The following SEC23A variants were observed in gnomAD, a reference collection of about 807,000 sequenced individuals.
SEC23A encodes protein transport protein Sec23A.
A neutral mutation model predicts 103.7 loss-of-function variants in SEC23A; 56 were observed. The ratio of observed to expected loss-of-function variants is 0.54; its 90% confidence interval spans 0.44 to 0.67. The LOEUF (loss-of-function observed/expected upper bound fraction) is 0.67. Among genes scored for constraint, SEC23A ranks in the 30% least tolerant of loss-of-function variants. SEC23A has a pLI of 0.00. For synonymous variants in SEC23A, 281 were observed against 293.0 expected (o/e 0.96, Z 0.42); for missense variants, 784 against 936.4 (o/e 0.84, Z 2.12).
intron 18 of SEC23A, chr14:39,040,169 C>A (rs2139184205): frequency 6.6e-6 from 1 of 152,280 alleles, no homozygotes; most frequent in African/African-American, 2.4e-5. Context: ...GTTAAGGAAC[C>A]TAACTTAGCC....
At chr14:39,091,789 T>C (rs1357658858) in intron 4 of SEC23A, 76 bp from the exon 5 acceptor site, 1 of 956,332 alleles carries the variant, frequency 1.0e-6, no homozygotes, top group East Asian at 2.4e-5. Context: ...AGGGAACTAA[T>C]TAAATAACGA....
At position 39,076,069 on chromosome 14, in the gene SEC23A, G is replaced by A. The variant is rs781623346; in HGVS notation, c.853C>T (p.Arg285Cys). 1.1e-5 allele frequency: 18 copies of A among 1,612,522 alleles called. No individual in the cohort carries two copies. Among genetic ancestry groups the A allele is most frequent in the African/African-American group, 2.7e-5 (2 of 74,634 alleles). ...GGACCACCAATGAACATCATGATAC[G>A]AGCACCAGTGTTGGGAAAAGTACAC... ...LECTFPNTGARIMMFIGGPAT... is the reference protein window; with the variant it reads ...LECTFPNTGACIMMFIGGPAT... The change falls in exon 8 of 20, where the codon CGT becomes TGT. Residue 285 changes from arginine to cysteine, a missense_variant. By Grantham distance (180) the Arg-to-Cys change is radical (BLOSUM62 -3). Around this residue, in one of 2 missense-constraint regions of SEC23A, gnomAD observed 683 missense variants for 774.2 expected, o/e 0.88. Transcript: ENST00000307712.
chr14:39,055,321 A>C, intron 13 of SEC23A, 25 bp from the exon 14 acceptor site: 1 of 1,609,234 alleles, frequency 6.2e-7, no homozygotes, highest in South Asian at 1.1e-5. Flanking sequence ...AAAGCATAGA[A>C]ATGCTTCTGA....
intron 7 of SEC23A, among the ~76,000 whole-genome samples, chr14:39,077,227 CAAAAAAAAAAAAAAAAAA>C (rs57549556): frequency 2.7e-5 from 1 of 36,472 alleles, no homozygotes; most frequent in African/African-American, 1.3e-4. Context: ...GACTCCATCT[CAAAAAAAAAAAAAAAAAA>C]AAAAAAAAAA....
chr14:39,100,265 T>G (rs190936738), intron 1 of SEC23A, among the ~76,000 whole-genome samples: 2 of 152,280 alleles, frequency 1.3e-5, no homozygotes, highest in South Asian at 4.1e-4. Context: ...ATTACATGGC[T>G]ATGCACAACA....
At chr14:39,072,606 C>T (rs1446335362) in intron 9 of SEC23A, among the ~76,000 whole-genome samples, 1 of 151,798 alleles carries the variant, frequency 6.6e-6, no homozygotes, top group Non-Finnish European at 1.5e-5. Flanking sequence ...CCCAGGAGTT[C>T]GAGACCAGCC....
At chr14:39,099,372 A>G (rs933573324) in intron 1 of SEC23A, among the ~76,000 whole-genome samples, 1 of 151,776 alleles carries the variant, frequency 6.6e-6, no homozygotes, top group Non-Finnish European at 1.5e-5. Flanking sequence ...GTTGGCCAGG[A>G]TGATCTCAAT....
intron 7 of SEC23A, 116 bp downstream of exon 7, chr14:39,085,645 AG>A: frequency 1.6e-6 from 2 of 1,233,156 alleles, no homozygotes. Context: ...GAGAATAGGG[AG>A]GAAAAAAAGC....
chr14:39,033,928 G>T (rs1043603564), intron 19 of SEC23A, among the ~76,000 whole-genome samples: 14 of 152,216 alleles, frequency 9.2e-5, no homozygotes, highest in African/African-American at 3.4e-4. Flanking sequence ...TTTTTAATCT[G>T]AATTTTACAT....
intron 5 of SEC23A, chr14:39,091,000 C>A (rs1887643446): frequency 5.4e-6 from 2 of 370,106 alleles, no homozygotes; most frequent in Non-Finnish European, 1.0e-5. Flanking sequence ...AGGTCCTGCC[C>A]CCACCACCAC....
At chr14:39,051,270 G>A (rs2139205033) in intron 14 of SEC23A, among the ~76,000 whole-genome samples, 1 of 152,268 alleles carries the variant, frequency 6.6e-6, no homozygotes, top group South Asian at 2.1e-4. Flanking sequence ...AATTGGTGCT[G>A]GCACCATGTC....
At position 39,095,038 on chromosome 14, in the gene SEC23A, C is replaced by T. The variant is rs547712581; in HGVS notation, c.221+860G>A. The T allele has an allele frequency of 1.2e-3, 815 of 695,770 alleles. 3 individuals are homozygous for T. Among genetic ancestry groups the T allele is most frequent in the South Asian group, 5.1e-3 (336 of 66,262 alleles). 43.1% of individuals were successfully genotyped at this position (695,770 alleles called of 1,614,324 possible). ...GACTGCTGAAAGACAAGAATAGAAA[C>T]AGGGAGAGCAGGTAGGAGGATATTG... On this transcript the variant is annotated intron_variant, in intron 2 of 19. Transcript: ENST00000307712.
At chr14:39,049,796 A>ATTT (rs111327005) in intron 14 of SEC23A, among the ~76,000 whole-genome samples, 12 of 146,064 alleles carry the variant, frequency 8.2e-5, no homozygotes, top group South Asian at 2.2e-4. Context: ...GAAAAAAACA[A>ATTT]TTTTTTTTTT....
chr14:39,067,036 T>G (rs1206639450), intron 10 of SEC23A, 137 bp downstream of exon 10: 2 of 1,021,090 alleles, frequency 2.0e-6, no homozygotes, highest in East Asian at 5.0e-5. Flanking sequence ...AGAAAATCTC[T>G]AACTCAGGTT....
At chr14:39,094,764 T>C (rs1466623533) in intron 2 of SEC23A, 5 of 454,272 alleles carry the variant, frequency 1.1e-5, no homozygotes, top group South Asian at 8.9e-5. Flanking sequence ...ATTGTCAAGG[T>C]AGGAGTAAGT....
At chr14:39,101,779 C>G (rs1888106472) in intron 1 of SEC23A, among the ~76,000 whole-genome samples, 1 of 152,146 alleles carries the variant, frequency 6.6e-6, no homozygotes, top group South Asian at 2.1e-4. Context: ...AAATTTGTCT[C>G]CTACTTTTCA....
At chr14:39,075,864 G>T in intron 8 of SEC23A, 71 bp downstream of exon 8, 3 of 1,307,228 alleles carry the variant, frequency 2.3e-6, no homozygotes, top group Non-Finnish European at 3.3e-6. Flanking sequence ...AAAACTATTT[G>T]TATTCTTCTT....
At chr14:39,098,395 A>T (rs1170438104) in intron 1 of SEC23A, among the ~76,000 whole-genome samples, 1 of 152,202 alleles carries the variant, frequency 6.6e-6, no homozygotes, top group Non-Finnish European at 1.5e-5. Context: ...AACATAAGGC[A>T]AATAAAATTG....
intron 1 of SEC23A, among the ~76,000 whole-genome samples, chr14:39,096,454 C>G (rs959877310): frequency 6.6e-6 from 1 of 151,818 alleles, no homozygotes; most frequent in Non-Finnish European, 1.5e-5. Context: ...CTCTTGAACC[C>G]TGGAGGCAAA....
Sources: gnomAD v4.1 joint callset for allele counts (sites outside exome capture counted in the v4.1 genomes callset) on GRCh38, gnomAD v4.1.1 for gene constraint, gnomAD v4.1.1 regional missense constraint, MANE v1.5 for transcripts, NCBI Gene and HGNC (gene_info 2026-07-23, HGNC 2026-07-21) for gene names.